Variants in ZNF280D observed in about 807,000 individuals in gnomAD.
ZNF280D encodes the protein suppressor of hairy wing homolog 4.
Under a neutral mutation model 94.7 loss-of-function variants are expected in ZNF280D, and 39 were observed. The observed-to-expected ratio is 0.41, with a 90% CI of 0.32 to 0.54. The LOEUF (loss-of-function observed/expected upper bound fraction) is 0.54, where lower values mean the gene tolerates loss of function less well. Ranked by LOEUF, ZNF280D falls within the 20% of genes least tolerant of loss-of-function variation. The pLI is 0.22. For synonymous variants in ZNF280D, 398 were observed against 377.6 expected (o/e 1.05, Z -0.63); for missense variants, 1,090 against 1,149.3 (o/e 0.95, Z 0.75).
At chr15:56,659,574 AG>A (rs1193589356) in intron 16 of ZNF280D, among the ~76,000 whole-genome samples, 1 of 152,080 alleles carries the variant, frequency 6.6e-6, no homozygotes, top group African/African-American at 2.4e-5. Context: ...TAGTATGTAT[AG>A]GAAAAAAAAA....
At chr15:56,680,967 A>G (rs563722781) in intron 10 of ZNF280D, among the ~76,000 whole-genome samples, 15 of 152,336 alleles carry the variant, frequency 9.8e-5, no homozygotes, top group African/African-American at 3.4e-4. Context: ...GTAGAGTTCT[A>G]CTGCAACACT....
chr15:56,645,137 A>G (rs1292933231), intron 19 of ZNF280D: 2 of 152,180 alleles, frequency 1.3e-5, no homozygotes, highest in Non-Finnish European at 2.9e-5. Flanking sequence ...TTTCTTACCT[A>G]TAATTCTTAT....
At chr15:56,726,935 T>G (rs2058656439) in intron 1 of ZNF280D, among the ~76,000 whole-genome samples, 1 of 151,448 alleles carries the variant, frequency 6.6e-6, no homozygotes. Flanking sequence ...TGCACAGGAG[T>G]TCACAGAAAA....
chr15:56,692,366 C>G (rs1050777243), intron 7 of ZNF280D, among the ~76,000 whole-genome samples: 21 of 151,726 alleles, frequency 1.4e-4, no homozygotes, highest in African/African-American at 4.8e-4. Flanking sequence ...CTAAAAATTC[C>G]AAAAAATCAT....
intron 14 of ZNF280D, chr15:56,668,267 C>A: frequency 2.4e-6 from 1 of 409,280 alleles, no homozygotes; most frequent in Non-Finnish European, 4.8e-6. Context: ...TCAGAGAAAA[C>A]AGATGTACAT....
In ZNF280D at chr15:56,642,957, A is replaced by G. The variant is rs2052702691; in HGVS notation, c.2254T>C (p.Ser752Pro). Reference protein sequence around the residue: ...EAPAKEQEPVSKEIARPNMAE... With the variant: ...EAPAKEQEPVPKEIARPNMAE... ...TAAAGTAAAACAAACTTTACCTTAG[A>G]CACAGGTTCTTGTTCCTTTGCGGGA... The change falls in exon 20 of 22, where the codon TCT (serine) becomes CCT (proline). Residue 752 changes from serine (S) to proline (P), a missense_variant. Physicochemically the swap from Ser to Pro is moderately conservative, Grantham distance 74. Transcript: ENST00000267807. 1.3e-6 allele frequency: 2 copies of G among 1,506,214 alleles called. No individual in the cohort carries two copies. Among genetic ancestry groups the G allele is most frequent in the Non-Finnish European group, 1.8e-6 (2 of 1,131,864 alleles). 93.3% of individuals were successfully genotyped at this position (1,506,214 alleles called of 1,614,324 possible).
chr15:56,686,188 G>A (rs1835322903), intron 9 of ZNF280D, among the ~76,000 whole-genome samples: 1 of 152,142 alleles, frequency 6.6e-6, no homozygotes, highest in African/African-American at 2.4e-5. Context: ...ACCCAGGCTG[G>A]AGGGCAGTGG....
intron 9 of ZNF280D, among the ~76,000 whole-genome samples, chr15:56,686,536 G>A (rs924903266): frequency 1.3e-5 from 2 of 152,204 alleles, no homozygotes; most frequent in African/African-American, 4.8e-5. Context: ...TACTGGTAAT[G>A]AAAGCTGTGG....
chr15:56,679,952 T>A (rs2055507764), intron 10 of ZNF280D, among the ~76,000 whole-genome samples: 1 of 152,210 alleles, frequency 6.6e-6, no homozygotes, highest in African/African-American at 2.4e-5. Context: ...CATGAGCCAT[T>A]AAACTTTCAG....
intron 9 of ZNF280D, among the ~76,000 whole-genome samples, chr15:56,686,533 A>C (rs146114440): frequency 3.3e-4 from 51 of 152,370 alleles, no homozygotes; most frequent in African/African-American, 1.2e-3. Flanking sequence ...AAATACTGGT[A>C]ATGAAAGCTG....
chr15:56,690,237 C>A (rs920699084), intron 7 of ZNF280D, among the ~76,000 whole-genome samples: 3 of 151,998 alleles, frequency 2.0e-5, no homozygotes, highest in Admixed American at 6.6e-5. Context: ...AAAAAATTAG[C>A]CTGGCGTGGT....
intron 9 of ZNF280D, among the ~76,000 whole-genome samples, chr15:56,682,684 A>C (rs1211381424): frequency 6.6e-6 from 1 of 150,992 alleles, no homozygotes; most frequent in Non-Finnish European, 1.5e-5. Context: ...TTCATGTAAA[A>C]ATTCAAAAAG....
rs964051692 is a variant in ZNF280D, at chr15:56,653,082, T to C, written c.2213+1116A>G. 7 of 984,800 alleles carry C rather than the reference T, an allele frequency of 7.1e-6. No individual in the cohort carries two copies. In the African/African-American group the frequency reaches 1.2e-4, roughly 17 times the overall value. 61.0% of individuals were successfully genotyped at this position (984,800 alleles called of 1,614,324 possible). ...AAATTACAGAATTAATACTGGTTAA[T>C]AGATTTTATATGTCAGTAAAAATAA... On this transcript the variant is annotated intron_variant, in intron 19 of 21. Transcript: ENST00000267807.
intron 1 of ZNF280D, 118 bp downstream of exon 1, chr15:56,733,340 G>T: frequency 3.6e-6 from 2 of 554,002 alleles, no homozygotes; most frequent in South Asian, 7.8e-5. Flanking sequence ...CGCTCCCGAC[G>T]ACCCGCGCCG....
chr15:56,639,938 C>A (rs1300964064), intron 20 of ZNF280D, among the ~76,000 whole-genome samples: 2 of 151,952 alleles, frequency 1.3e-5, no homozygotes, highest in Non-Finnish European at 2.9e-5. Flanking sequence ...GGGAGGAGAT[C>A]TTCAGACCCC....
Position 56,658,428 on chromosome 15 carries a change from G to C in ZNF280D, c.2053C>G (p.Leu685Val). 6.3e-7 allele frequency: 1 copy of C among 1,587,174 alleles called. No individual in the cohort carries two copies. The highest frequency in any genetic ancestry group is 2.3e-5 in the East Asian group (1 of 43,736). ...AAAAAAAGATCAACTAGTTACCGGA[G>C]ATTTTCTGAATGCTTCTTAAAAATA... ...FCIFKKHSEN[L>V]RGITLVCLNC... The change falls in exon 17 of 22, where the codon CTC becomes GTC. Residue 685 changes from leucine to valine, a missense_variant. Leu to Val is a conservative substitution (Grantham distance 32, BLOSUM62 1). Transcript: ENST00000267807.
chr15:56,640,595 C>A (rs920471739), intron 20 of ZNF280D, among the ~76,000 whole-genome samples: 1 of 152,118 alleles, frequency 6.6e-6, no homozygotes, highest in African/African-American at 2.4e-5. Flanking sequence ...ATCAACAGTA[C>A]ATTTTCAAAT....
chr15:56,689,984 G>C (rs1375111431), intron 7 of ZNF280D, among the ~76,000 whole-genome samples: 1 of 152,158 alleles, frequency 6.6e-6, no homozygotes, highest in Non-Finnish European at 1.5e-5. Context: ...CTGAAGAGTA[G>C]GTAAGAGCGG....
In ZNF280D at chr15:56,706,123, T is replaced by C. The variant is rs557778013; in HGVS notation, c.28+959A>G. 2.9e-4 allele frequency among the ~76,000 whole-genome samples: 37 copies of C among 129,430 alleles called. 1 individual carries two copies. Among genetic ancestry groups the C allele is most frequent in the African/African-American group, 9.8e-4 (33 of 33,632 alleles). The allele number at this position is 129,430 out of a possible 152,430, so 84.9% of individuals were successfully genotyped here. ...AATCTAGTATGACTGGTGTCCTTAA[T>C]AGAAGAGGAGATTAGGACACAGACA... On this transcript the variant is annotated intron_variant, in intron 3 of 21. Coordinates refer to ENST00000267807, the MANE Select transcript of ZNF280D (RefSeq NM_017661.4).
Sources: gnomAD v4.1 joint callset for allele counts (sites outside exome capture counted in the v4.1 genomes callset) on GRCh38, gnomAD v4.1.1 for gene constraint, MANE v1.5 for transcripts, NCBI Gene and HGNC (gene_info 2026-07-23, HGNC 2026-07-21) for gene names.